Variants in CYFIP1 observed in about 807,000 individuals in gnomAD.
The protein encoded by CYFIP1 is cytoplasmic FMR1-interacting protein 1.
A neutral mutation model predicts 163.5 loss-of-function variants in CYFIP1; 58 were observed. That is an observed-to-expected ratio of 0.35 (90% CI 0.29 to 0.44). The LOEUF (loss-of-function observed/expected upper bound fraction) is 0.44, where lower values mean the gene tolerates loss of function less well. CYFIP1 is among the 20% of genes least tolerant of loss of function. The pLI, the probability that CYFIP1 is intolerant of heterozygous loss-of-function variation, is 1.00. For synonymous variants in CYFIP1, 663 were observed against 660.7 expected (o/e 1.00, Z -0.05); for missense variants, 1,338 against 1,653.8 (o/e 0.81, Z 3.31).
intron 22 of CYFIP1, among the ~76,000 whole-genome samples, chr15:22,902,764 T>A: frequency 6.6e-6 from 1 of 152,274 alleles, no homozygotes; most frequent in East Asian, 1.9e-4. Flanking sequence ...GCCTCAGTGA[T>A]GCAACACACC....
intron 1 of CYFIP1, among the ~76,000 whole-genome samples, chr15:22,953,458 T>G (rs541803816): frequency 1.3e-5 from 2 of 152,200 alleles, no homozygotes; most frequent in East Asian, 3.9e-4. Flanking sequence ...TTTCCGGCCC[T>G]CCTTTTGTCC....
intron 1 of CYFIP1, among the ~76,000 whole-genome samples, chr15:22,969,856 AAT>A (rs1739984890): frequency 1.3e-5 from 2 of 152,210 alleles, no homozygotes; most frequent in South Asian, 4.1e-4. Context: ...GGGAAGTGGC[AAT>A]ACTAACATTA....
chr15:22,961,268 G>A (rs762091058), intron 1 of CYFIP1, among the ~76,000 whole-genome samples: 37 of 152,070 alleles, frequency 2.4e-4, no homozygotes, highest in Admixed American at 3.9e-4. Flanking sequence ...GTGATCCGCC[G>A]GCTTTGGCCT....
At chr15:22,890,885 A>G (rs2060062130) in intron 23 of CYFIP1, among the ~76,000 whole-genome samples, 1 of 152,090 alleles carries the variant, frequency 6.6e-6, no homozygotes, top group African/African-American at 2.4e-5. Context: ...GGAGTGTGGA[A>G]TGATGGAATG....
At chr15:22,893,516 G>A (rs764096808) in intron 22 of CYFIP1, among the ~76,000 whole-genome samples, 1 of 152,148 alleles carries the variant, frequency 6.6e-6, no homozygotes, top group Non-Finnish European at 1.5e-5. Context: ...GGAAGGGTTC[G>A]TTTAAACACA....
At chr15:22,977,753 C>T (rs1038040742) in intron 1 of CYFIP1, among the ~76,000 whole-genome samples, 1 of 151,890 alleles carries the variant, frequency 6.6e-6, no homozygotes, top group Non-Finnish European at 1.5e-5. Context: ...ATTGCTTGAA[C>T]CCAGGAGGTG....
intron 13 of CYFIP1, 37 bp from the exon 14 acceptor site, chr15:22,918,895 G>A: frequency 6.5e-7 from 1 of 1,529,932 alleles, no homozygotes; most frequent in South Asian, 1.2e-5. Context: ...GCCCTTCTTA[G>A]GGATGGCACC....
chr15:22,916,952 C>A, intron 15 of CYFIP1: 1 of 1,551,744 alleles, frequency 6.4e-7, no homozygotes. Flanking sequence ...GCAAGAGCCT[C>A]TCCATGCCCA....
chr15:22,916,567 A>G lies in CYFIP1; in HGVS notation c.1738T>C (p.Leu580=). 1 of 1,614,102 alleles carries G rather than the reference A, an allele frequency of 6.2e-7. No individual in the cohort carries two copies. The highest frequency in any genetic ancestry group is 8.5e-7 in the Non-Finnish European group (1 of 1,180,008). The part of the protein sequence containing the change: ...IADKSGSKKT[L]RSSLEGPTIL... ...GTGGGCCCCTCAAGGCTACTTCTCA[A>G]GGTTTTCTTGGAACCACTTTTGTCT... The change falls in exon 16 of 31, where the codon TTG becomes CTG. Residue 580 remains leucine, a synonymous_variant. Transcript: ENST00000617928.
chr15:22,924,276 T>G (rs1479097648), intron 13 of CYFIP1, among the ~76,000 whole-genome samples: 1 of 151,928 alleles, frequency 6.6e-6, no homozygotes, highest in African/African-American at 2.4e-5. Flanking sequence ...ATACAAAAAT[T>G]AGCCGGGCGT....
Position 22,953,459 on chromosome 15 carries a change from C to G in CYFIP1, c.-6-6168G>C, listed in dbSNP as rs962286639. 2.8e-4 allele frequency among the ~76,000 whole-genome samples: 43 copies of G among 152,166 alleles called. 1 individual carries two copies. The highest frequency in any genetic ancestry group is 1.0e-3 in the African/African-American group (42 of 41,430). ...GCACCCTGGGATTTTTTCCGGCCCT[C>G]CTTTTGTCCTCCCATGAATGCCACG... On this transcript the variant is annotated intron_variant, in intron 1 of 30. Transcript: ENST00000617928.
rs145411918 is a variant in CYFIP1 at position 22,926,036 on chromosome 15, G to A, written c.1305C>T (p.Tyr435=). ...NKDCPDSAEE[Y]ERATRYNYTS... is the part of the protein sequence containing the mutation. The stretch of plus-strand genomic sequence containing the variant: ...TGTAGTTGTAGCGCGTGGCACGCTC[G>A]TACTCTTCAGCGCTGTCGGGGCAGT... Residue 435 remains tyrosine, a synonymous_variant, in exon 13 of 31, where the codon TAC becomes TAT. Transcript: ENST00000617928. 2.6e-4 allele frequency: 417 copies of A among 1,614,102 alleles called. No individual in the cohort carries two copies. The highest frequency in any genetic ancestry group is 5.8e-4 in the East Asian group (26 of 44,884).
chr15:22,961,045 T>C (rs1451345302), intron 1 of CYFIP1, among the ~76,000 whole-genome samples: 2 of 152,134 alleles, frequency 1.3e-5, no homozygotes, highest in Admixed American at 6.5e-5. Flanking sequence ...ATTTTTAAGA[T>C]GGAGTCTCAC....
intron 1 of CYFIP1, among the ~76,000 whole-genome samples, chr15:22,949,475 G>C (rs1268545962): frequency 2.0e-5 from 3 of 152,116 alleles, no homozygotes. Flanking sequence ...AGGAGGCATG[G>C]GCTACGAACC....
At chr15:22,974,389 C>T (rs1249025902) in intron 1 of CYFIP1, among the ~76,000 whole-genome samples, 1 of 151,952 alleles carries the variant, frequency 6.6e-6, no homozygotes, top group African/African-American at 2.4e-5. Flanking sequence ...CCAGCCTGGG[C>T]AACATAGTGA....
intron 24 of CYFIP1, among the ~76,000 whole-genome samples, chr15:22,882,625 C>G (rs536626746): frequency 3.3e-5 from 5 of 152,318 alleles, no homozygotes; most frequent in African/African-American, 9.6e-5. Context: ...AGCAACATAG[C>G]AAGACCCCCT....
At chr15:22,928,304 G>A (rs1054073649) in intron 11 of CYFIP1, among the ~76,000 whole-genome samples, 10 of 152,246 alleles carry the variant, frequency 6.6e-5, no homozygotes, top group African/African-American at 1.9e-4. Context: ...AATGGCGTGA[G>A]CCCGGGAGGC....
At chr15:22,911,884 C>T (rs574546757) in intron 18 of CYFIP1, among the ~76,000 whole-genome samples, 4 of 152,074 alleles carry the variant, frequency 2.6e-5, no homozygotes, top group East Asian at 3.9e-4. Flanking sequence ...AAATCCAAAA[C>T]CAAAAAAATA....
intron 1 of CYFIP1, among the ~76,000 whole-genome samples, chr15:22,978,590 G>A (rs562557895): frequency 1.3e-5 from 2 of 152,114 alleles, no homozygotes; most frequent in South Asian, 2.1e-4. Flanking sequence ...TAGAAGTACC[G>A]AGGGAATTTC....
Sources: allele counts gnomAD v4.1 joint callset (sites outside exome capture counted in the v4.1 genomes callset), GRCh38; gene constraint gnomAD v4.1.1; transcripts MANE v1.5; gene names NCBI Gene and HGNC (gene_info 2026-07-23, HGNC 2026-07-21).